Variants in TNS3 observed in about 807,000 individuals in gnomAD.
TNS3 encodes the protein tensin-3.
TNS3 carries 45 observed loss-of-function variants against 140.9 expected under a neutral mutation model. The ratio of observed to expected loss-of-function variants is 0.32; its 90% CI spans 0.25 to 0.41. The LOEUF (loss-of-function observed/expected upper bound fraction) is 0.41. Among genes scored for constraint, TNS3 ranks in the 10% least tolerant of loss-of-function variants. The pLI is 1.00. For missense variants in TNS3, 1,716 were observed against 1,906.7 expected (o/e 0.90, Z 1.86); for synonymous variants, 815 against 788.4 (o/e 1.03, Z -0.56).
intron 17 of TNS3, among the ~76,000 whole-genome samples, chr7:47,356,142 A>G (rs1789984165): frequency 6.6e-6 from 1 of 152,182 alleles, no homozygotes. Flanking sequence ...TCCAGCCTCA[A>G]TGAGCCAAGG....
intron 4 of TNS3, among the ~76,000 whole-genome samples, chr7:47,461,012 CA>C (rs1796468613): frequency 6.6e-6 from 1 of 151,974 alleles, no homozygotes; most frequent in Non-Finnish European, 1.5e-5. Context: ...CAATTAACTT[CA>C]AAATTTATTT....
chr7:47,292,079 C>G (rs371939116), intron 26 of TNS3, 47 bp from the exon 27 acceptor site: 238 of 1,571,312 alleles, frequency 1.5e-4, no homozygotes, highest in Non-Finnish European at 2.0e-4. Context: ...TGCTCCTGAC[C>G]AAGAATCCTC....
intron 23 of TNS3, among the ~76,000 whole-genome samples, chr7:47,301,064 T>C (rs1004658374): frequency 1.3e-5 from 2 of 152,210 alleles, no homozygotes; most frequent in African/African-American, 4.8e-5. Context: ...GCCACTCAAC[T>C]ATTCATTTCT....
intron 1 of TNS3, among the ~76,000 whole-genome samples, chr7:47,545,314 A>T (rs966962252): frequency 2.6e-5 from 4 of 151,908 alleles, no homozygotes; most frequent in Admixed American, 2.6e-4. Context: ...TAATTTTTGT[A>T]TTTTTAGTAG....
intron 17 of TNS3, among the ~76,000 whole-genome samples, chr7:47,347,568 G>GT (rs958889251): frequency 6.6e-6 from 1 of 151,930 alleles, no homozygotes; most frequent in African/African-American, 2.4e-5. Flanking sequence ...TGCCATTCAG[G>GT]TGAGGCTTAA....
At chr7:47,431,037 T>C (rs1025141828) in intron 8 of TNS3, among the ~76,000 whole-genome samples, 3 of 152,162 alleles carry the variant, frequency 2.0e-5, no homozygotes, top group Non-Finnish European at 2.9e-5. Context: ...GTATCATTTC[T>C]GACCATAGTG....
intron 16 of TNS3, among the ~76,000 whole-genome samples, chr7:47,380,373 T>C (rs1419231661): frequency 1.3e-5 from 2 of 152,216 alleles, no homozygotes; most frequent in African/African-American, 4.8e-5. Context: ...GAGGAGGTCC[T>C]GTTGGCCTTA....
intron 4 of TNS3, among the ~76,000 whole-genome samples, chr7:47,448,628 C>G (rs900336120): frequency 3.3e-5 from 5 of 151,966 alleles, no homozygotes; most frequent in African/African-American, 7.3e-5. Flanking sequence ...TATAAGCACC[C>G]ACCAACACAC....
chr7:47,562,984 C>T (rs983733034), intron 1 of TNS3, among the ~76,000 whole-genome samples: 4 of 152,222 alleles, frequency 2.6e-5, no homozygotes, highest in Non-Finnish European at 4.4e-5. Flanking sequence ...CAAGACACAG[C>T]CCCACCCCCA....
chr7:47,543,370 G>A (rs951125190), intron 1 of TNS3, among the ~76,000 whole-genome samples: 1 of 152,210 alleles, frequency 6.6e-6, no homozygotes, highest in Non-Finnish European at 1.5e-5. Flanking sequence ...AGGACTTTCG[G>A]TACGTCAAGT....
intron 2 of TNS3, among the ~76,000 whole-genome samples, chr7:47,526,250 A>T (rs192841575): frequency 0.018 from 2,787 of 151,332 alleles, 93 homozygotes; most frequent in African/African-American, 0.063. Flanking sequence ...TTACTCCTCA[A>T]GCAGTATAAC....
At chr7:47,435,163 A>G in intron 8 of TNS3, 119 bp downstream of exon 8, 2 of 1,347,226 alleles carry the variant, frequency 1.5e-6, no homozygotes, top group Non-Finnish European at 2.0e-6. Context: ...ACAAACCCAT[A>G]AGGAGCACAT....
intron 4 of TNS3, among the ~76,000 whole-genome samples, chr7:47,462,301 C>G (rs528866291): frequency 6.6e-6 from 1 of 152,310 alleles, no homozygotes; most frequent in African/African-American, 2.4e-5. Flanking sequence ...CCACTCTATT[C>G]CTGACATAAT....
chr7:47,326,232 T>C (rs1788018654), intron 20 of TNS3, among the ~76,000 whole-genome samples: 1 of 152,204 alleles, frequency 6.6e-6, no homozygotes, highest in South Asian at 2.1e-4. Context: ...AGGTGTTATC[T>C]GATTTAATCC....
chr7:47,561,446 T>C (rs921132161), intron 1 of TNS3, among the ~76,000 whole-genome samples: 1 of 152,196 alleles, frequency 6.6e-6, no homozygotes, highest in African/African-American at 2.4e-5. Context: ...AACTTGTTTC[T>C]GTTCATTATC....
intron 17 of TNS3, among the ~76,000 whole-genome samples, chr7:47,363,100 CCATCAT>C (rs1176704240): frequency 1.4e-5 from 2 of 145,484 alleles, no homozygotes; most frequent in Admixed American, 6.7e-5. Flanking sequence ...ACAGTCATCA[CCATCAT>C]CATCATCATC....
At chr7:47,354,264 T>C (rs1388248065) in intron 17 of TNS3, among the ~76,000 whole-genome samples, 2 of 152,138 alleles carry the variant, frequency 1.3e-5, no homozygotes, top group Admixed American at 1.3e-4. Flanking sequence ...CAGATGGCTG[T>C]CACCTCTGGA....
rs1799829755 is a variant in TNS3 at position 47,542,942 on chromosome 7, A to AG, written c.-264-13796dup. ...CAAGACTGTCAAAAAAAAAAAAAAAAGGCACTTTGCCTCTGATATTGAAAA... is the reference window on the plus strand; with the variant it reads ...CAAGACTGTCAAAAAAAAAAAAAAAAGGGCACTTTGCCTCTGATATTGAAAA... On this transcript the variant is annotated intron_variant, in intron 1 of 30. Transcript: ENST00000311160. Among the ~76,000 whole-genome samples, 6 of 150,952 alleles carry AG rather than the reference A, an allele frequency of 4.0e-5. No individual in the cohort carries two copies. In the South Asian group the frequency reaches 1.1e-3, roughly 26 times the overall value.
chr7:47,448,086 G>T (rs1471286155), intron 4 of TNS3, among the ~76,000 whole-genome samples: 2 of 152,194 alleles, frequency 1.3e-5, no homozygotes, highest in Non-Finnish European at 2.9e-5. Context: ...ATTCCCCAAG[G>T]CCACTGCCAA....
Sources: allele counts gnomAD v4.1 joint callset (sites outside exome capture counted in the v4.1 genomes callset), GRCh38; gene constraint gnomAD v4.1.1; transcripts MANE v1.5; gene names NCBI Gene and HGNC (gene_info 2026-07-23, HGNC 2026-07-21).